Variants in RCN2 observed in about 807,000 individuals in gnomAD.
RCN2 encodes reticulocalbin-2.
Under a neutral mutation model 37.5 loss-of-function variants are expected in RCN2, and 23 were observed. That is an observed-to-expected ratio of 0.61 (90% CI 0.44 to 0.87). RCN2 has a LOEUF of 0.87. Among genes scored for constraint, RCN2 ranks in the 40% least tolerant of loss-of-function variants. The pLI is 0.00. For missense variants in RCN2, 381 were observed against 390.4 expected (o/e 0.98, Z 0.20); for synonymous variants, 140 against 144.6 (o/e 0.97, Z 0.23).
chr15:76,940,860 T>G (rs942456145), intron 3 of RCN2, among the ~76,000 whole-genome samples: 5 of 151,798 alleles, frequency 3.3e-5, no homozygotes, highest in Non-Finnish European at 5.9e-5. Flanking sequence ...CCATGCCCAG[T>G]CTGAATTTTA....
chr15:76,939,354 T>C (rs2075267907), intron 3 of RCN2, among the ~76,000 whole-genome samples: 1 of 152,112 alleles, frequency 6.6e-6, no homozygotes, highest in Non-Finnish European at 1.5e-5. Flanking sequence ...AGCAGTTCTG[T>C]TTTGATTTAA....
intron 2 of RCN2, among the ~76,000 whole-genome samples, chr15:76,933,864 G>GT (rs1206681997): frequency 6.6e-6 from 1 of 152,196 alleles, no homozygotes; most frequent in African/African-American, 2.4e-5. Context: ...GGAATCAGAT[G>GT]TTAAGAGGTA....
chr15:76,943,688 C>G, intron 3 of RCN2, 70 bp from the exon 4 acceptor site: 1 of 825,692 alleles, frequency 1.2e-6, no homozygotes, highest in South Asian at 1.6e-5. Context: ...CTTTAAATTT[C>G]ACATAGTTTG....
chr15:76,948,403 T>A lies in RCN2; in HGVS notation c.659-7T>A. 2 of 1,579,936 alleles carry A rather than the reference T, an allele frequency of 1.3e-6. No homozygotes were observed. The highest frequency in any genetic ancestry group is 2.3e-5 in the East Asian group (1 of 44,340). On this transcript the variant is annotated splice_region_variant and splice_polypyrimidine_tract_variant and intron_variant, in intron 5 of 6. Transcript: ENST00000394885. ...GTGTATGTATATTTGTGTTTTTTTA[T>A]ATTAAGCTGCAAATGAAGATCCAGA...
At chr15:76,939,791 A>T (rs1396883175) in intron 3 of RCN2, among the ~76,000 whole-genome samples, 2 of 152,140 alleles carry the variant, frequency 1.3e-5, no homozygotes, top group Non-Finnish European at 2.9e-5. Context: ...TTCTATTTTT[A>T]TTTTTTGTTA....
chr15:76,935,521 C>A lies in RCN2; in HGVS notation c.251-5C>A. Reference sequence around the variant, plus strand: ...CATGCGTTGTGTTCTGGGAAATTCTCATAGGTGAACTCAGTTCATGGATTC... The same window carrying A: ...CATGCGTTGTGTTCTGGGAAATTCTAATAGGTGAACTCAGTTCATGGATTC... On this transcript the variant is annotated splice_polypyrimidine_tract_variant and splice_region_variant and intron_variant, in intron 2 of 6. Coordinates refer to ENST00000394885, the MANE Select transcript of RCN2 (RefSeq NM_002902.3). The A allele has an allele frequency of 1.2e-6, 2 of 1,605,576 alleles. No homozygotes were observed. The highest frequency in any genetic ancestry group is 2.2e-5 in the South Asian group (2 of 90,288).
chr15:76,932,069 C>T, intron 1 of RCN2, 84 bp downstream of exon 1: 1 of 1,202,766 alleles, frequency 8.3e-7, no homozygotes. Flanking sequence ...AGGGGGGCGG[C>T]CGGGCGAGGC....
intron 4 of RCN2, among the ~76,000 whole-genome samples, chr15:76,944,594 ATCCC>A: frequency 6.6e-6 from 1 of 152,050 alleles, no homozygotes; most frequent in East Asian, 1.9e-4. Flanking sequence ...TGATTTTTAG[ATCCC>A]ACAAATGAGT....
At chr15:76,948,902 G>A (rs1271262229) in intron 6 of RCN2, 168 bp from the exon 7 acceptor site, 8 of 655,794 alleles carry the variant, frequency 1.2e-5, no homozygotes, top group Non-Finnish European at 2.1e-5. Flanking sequence ...GGAGATAATG[G>A]GAAAAGCAGT....
In RCN2 at chr15:76,949,327, AC is replaced by A. The variant is rs1384125132; in HGVS notation, c.*107del. 5 of 771,632 alleles carry A rather than the reference AC, an allele frequency of 6.5e-6. No individual in the cohort carries two copies. The Admixed American group carries it at 1.0e-4, about 16-fold the overall frequency. The allele number at this position is 771,632 out of a possible 1,614,324, so 47.8% of individuals were successfully genotyped here. A position where few individuals can be genotyped will look rare whatever the true frequency, so the allele number is the denominator to read the frequency against. ...TTGTATTTTACACTCTTAAGTCTTA[AC>A]CACAGTCAGAATTATCTTAATGTAG... On this transcript the variant is annotated 3_prime_UTR_variant, in exon 7 of 7. Transcript: ENST00000394885.
chr15:76,947,556 TGAA>T (rs1238074450), intron 5 of RCN2, 39 bp downstream of exon 5: 1 of 1,299,796 alleles, frequency 7.7e-7, no homozygotes, highest in East Asian at 2.3e-5. Flanking sequence ...GAAAAGGAAT[TGAA>T]GAAAGACATT....
chr15:76,931,948 G>C lies in RCN2; in HGVS notation c.107G>C (p.Arg36Pro), dbSNP rs780392204. Reference sequence around the variant, plus strand: ...CTGCACTACCCGCTGGGCGAGCGCCGCAGCGACTACGACCGCGAGGCGCTG... The same window carrying C: ...CTGCACTACCCGCTGGGCGAGCGCCCCAGCGACTACGACCGCGAGGCGCTG... ...EELHYPLGER[R>P]SDYDREALLG... The change falls in exon 1 of 7, where the codon CGC becomes CCC. Residue 36 changes from arginine to proline, a missense_variant. Transcript: ENST00000394885. The C allele has an allele frequency of 2.8e-5, 36 of 1,287,994 alleles. 1 individual carries two copies. In the South Asian group the frequency reaches 8.3e-4, roughly 30 times the overall value. 79.8% of individuals were successfully genotyped at this position (1,287,994 alleles called of 1,614,324 possible).
At chr15:76,940,546 C>CTTTTTTTTTTT (rs11463370) in intron 3 of RCN2, among the ~76,000 whole-genome samples, 3 of 119,664 alleles carry the variant, frequency 2.5e-5, no homozygotes, top group Non-Finnish European at 5.0e-5. Flanking sequence ...TGAACTTCAC[C>CTTTTTTTTTTT]TTTTTTTTTT....
chr15:76,939,094 T>C (rs1431254408), intron 3 of RCN2, among the ~76,000 whole-genome samples: 1 of 152,102 alleles, frequency 6.6e-6, no homozygotes, highest in African/African-American at 2.4e-5. Flanking sequence ...TAGATGGGCA[T>C]GATGGTCCGT....
At chr15:76,946,556 A>G (rs1422558589) in intron 4 of RCN2, among the ~76,000 whole-genome samples, 2 of 152,214 alleles carry the variant, frequency 1.3e-5, no homozygotes. Context: ...GTTTGAGATC[A>G]GCCTTGCCAA....
Position 76,932,415 on chromosome 15 carries a change from C to T in RCN2, c.199C>T (p.Gln67Ter). The stretch of plus-strand genomic sequence containing the variant: ...CCACGAAGAGCAGCAAAAAAGACTG[C>T]AGGCGATCATAAAGAAAATCGACTT... ...LGHEEQQKRL[Q>*]AIIKKIDLDS... The change falls in exon 2 of 7, where the codon CAG (glutamine) becomes TAG (stop). Residue 67 changes from glutamine to a stop codon, truncating the protein, a stop_gained. Coordinates refer to ENST00000394885, the MANE Select transcript of RCN2 (RefSeq NM_002902.3). LOFTEE classifies it high-confidence loss of function. 2 of 1,613,952 alleles carry T rather than the reference C, an allele frequency of 1.2e-6. No individual in the cohort carries two copies. Among genetic ancestry groups the T allele is most frequent in the Non-Finnish European group, 8.5e-7 (1 of 1,179,884 alleles).
chr15:76,933,182 C>T (rs904471629), intron 2 of RCN2, among the ~76,000 whole-genome samples: 5 of 152,216 alleles, frequency 3.3e-5, no homozygotes, highest in African/African-American at 1.2e-4. Flanking sequence ...TTGTCTCTCC[C>T]CATTGTTCAA....
At chr15:76,936,470 C>T (rs965040317) in intron 3 of RCN2, among the ~76,000 whole-genome samples, 2 of 152,160 alleles carry the variant, frequency 1.3e-5, no homozygotes, top group South Asian at 2.1e-4. Flanking sequence ...GAGTGCGCAA[C>T]GAAGATCCCT....
chr15:76,950,346 A>G lies in RCN2; in HGVS notation c.*1124A>G, dbSNP rs1269267910. The G allele has an allele frequency of 6.9e-6, 1 of 145,444 alleles. No homozygotes were observed. Among genetic ancestry groups the G allele is most frequent in the Non-Finnish European group, 1.5e-5 (1 of 65,706 alleles). 9.0% of individuals were successfully genotyped at this position (145,444 alleles called of 1,614,324 possible). On this transcript the variant is annotated 3_prime_UTR_variant, in exon 7 of 7. Coordinates refer to ENST00000394885, the MANE Select transcript of RCN2 (RefSeq NM_002902.3). ...TAGGGAAAAGTGAAGGGAGGAATTA[A>G]TTTTTTTCTAGTTCTGATGTACAGA...
Sources: gnomAD v4.1 joint callset for allele counts (sites outside exome capture counted in the v4.1 genomes callset) on GRCh38, gnomAD v4.1.1 for gene constraint, MANE v1.5 for transcripts, NCBI Gene and HGNC (gene_info 2026-07-23, HGNC 2026-07-21) for gene names.